The following TFG variants were observed in gnomAD, a reference collection of about 807,000 sequenced individuals.
The protein encoded by TFG is protein TFG.
In TFG, 22 loss-of-function variants were observed where a neutral mutation model predicts 51.4. The observed-to-expected ratio is 0.43, with a 90% CI of 0.31 to 0.61. The LOEUF is 0.61. Among genes scored for constraint, TFG ranks in the 20% least tolerant of loss-of-function variants. The pLI is 0.12. For missense variants in TFG, 419 were observed against 487.7 expected, an observed-to-expected ratio of 0.86 and a Z score of 1.33; for synonymous variants, 187 against 165.6, an observed-to-expected ratio of 1.13 and a Z score of -0.99.
intron 3 of TFG, among the ~76,000 whole-genome samples, chr3:100,723,010 G>A (rs934704398): frequency 2.0e-5 from 3 of 152,180 alleles, no homozygotes; most frequent in African/African-American, 7.2e-5. Context: ...AAAAGTCAAG[G>A]AAGCTTAACT....
intron 3 of TFG, 109 bp from the exon 4 acceptor site, chr3:100,728,603 C>G (rs2095082486): frequency 1.2e-5 from 10 of 868,062 alleles, no homozygotes; most frequent in Non-Finnish European, 1.3e-5. Context: ...ACATTGATAT[C>G]TTGTTTTTGT....
Position 100,748,304 on chromosome 3 carries a change from G to T in TFG, c.976G>T (p.Ala326Ser), listed in dbSNP as rs776620173. 139 of 1,613,882 alleles carry T rather than the reference G, an allele frequency of 8.6e-5. 2 individuals are homozygous for T. The South Asian group carries it at 1.4e-3, about 16-fold the overall frequency. Residue 326 changes from alanine to serine, a missense_variant, in exon 8 of 8, where the codon GCA (alanine) becomes TCA (serine). Transcript: ENST00000240851. The part of the protein sequence containing the change: ...PQQYQASNYP[A>S]QTYTAQTSQP... ...GCAGTACCAGGCGAGCAATTATCCT[G>T]CACAAACTTACACTGCCCAAACTTC...
intron 1 of TFG, among the ~76,000 whole-genome samples, chr3:100,711,446 A>T (rs1012493139): frequency 1.3e-5 from 2 of 152,200 alleles, no homozygotes; most frequent in African/African-American, 4.8e-5. Context: ...CCCGTACCCC[A>T]GTCAGAAGGA....
chr3:100,721,977 C>G (rs1263944389), intron 3 of TFG, among the ~76,000 whole-genome samples: 1 of 152,152 alleles, frequency 6.6e-6, no homozygotes, highest in East Asian at 1.9e-4. Flanking sequence ...ACGGTAAAAC[C>G]CTATCTCTAC....
At chr3:100,747,628 A>C (rs960879678) in intron 7 of TFG, among the ~76,000 whole-genome samples, 7 of 152,230 alleles carry the variant, frequency 4.6e-5, no homozygotes, top group African/African-American at 1.7e-4. Flanking sequence ...AAGGCAAAAA[A>C]CATCAGATAC....
intron 4 of TFG, among the ~76,000 whole-genome samples, chr3:100,732,184 C>CA (rs3841652): frequency 0.03 from 4,525 of 151,600 alleles, 182 homozygotes; most frequent in African/African-American, 0.092. Flanking sequence ...TATTGGGCTC[C>CA]AAAAAAACCA....
chr3:100,745,855 T>G (rs1050102605), intron 7 of TFG, among the ~76,000 whole-genome samples: 2 of 152,206 alleles, frequency 1.3e-5, no homozygotes, highest in African/African-American at 4.8e-5. Flanking sequence ...CTACTGCTAC[T>G]TGGGCACTAG....
rs1342059863 is a variant in TFG, at chr3:100,748,814, G to A, written c.*283G>A. On this transcript the variant is annotated 3_prime_UTR_variant, in exon 8 of 8. Transcript: ENST00000240851. ...CTTGACTTTCTAGCTTCCCTTGTCC[G>A]GAGGATATTAAAATGCTAGGGTGAG... 5 of 339,132 alleles carry A rather than the reference G, an allele frequency of 1.5e-5. No homozygotes were observed. The highest frequency in any genetic ancestry group is 2.7e-5 in the Non-Finnish European group (5 of 186,024). 21.0% of individuals were successfully genotyped at this position (339,132 alleles called of 1,614,324 possible).
Position 100,729,971 on chromosome 3 carries a change from C to T in TFG, c.415+1113C>T, listed in dbSNP as rs116331452. Among the ~76,000 whole-genome samples, 519 of 152,178 alleles carry T rather than the reference C, an allele frequency of 3.4e-3. 4 individuals carry two copies. The highest frequency in any genetic ancestry group is 5.0e-3 in the Non-Finnish European group (341 of 67,970). On this transcript the variant is annotated intron_variant, in intron 4 of 7. Transcript: ENST00000240851. ...GATTTGCTGAATACTATAATGAGAT[C>T]CTCTTGGTCACTTTATGATGAAACC...
In TFG at chr3:100,748,959, A is replaced by C. The variant is rs2095165132; in HGVS notation, c.*428A>C. Reference sequence around the variant, plus strand: ...GATGATAGGTTAATAAAGATGATTGAATCCATTAGTGGTCTTGAAATTTTA... The same window carrying C: ...GATGATAGGTTAATAAAGATGATTGCATCCATTAGTGGTCTTGAAATTTTA... On this transcript the variant is annotated 3_prime_UTR_variant, in exon 8 of 8. Coordinates refer to ENST00000240851, the MANE Select transcript of TFG (RefSeq NM_006070.6). 1 of 194,346 alleles carries C rather than the reference A, an allele frequency of 5.1e-6. No individual in the cohort carries two copies. Among genetic ancestry groups the C allele is most frequent in the African/African-American group, 2.3e-5 (1 of 43,158 alleles). The allele number at this position is 194,346 out of a possible 1,614,324, so 12.0% of individuals were successfully genotyped here. A position where few individuals can be genotyped will look rare whatever the true frequency, so the allele number is the denominator to read the frequency against.
chr3:100,736,603 G>A lies in TFG; in HGVS notation c.608G>A (p.Arg203His), dbSNP rs879472420. 6 of 1,613,694 alleles carry A rather than the reference G, an allele frequency of 3.7e-6. No homozygotes were observed. The highest frequency in any genetic ancestry group is 1.3e-5 in the African/African-American group (1 of 74,840). Reference sequence around the variant, plus strand: ...CCACCCAGTGCTCCTGCAGAAGATCGTTCAGGAACACCCGACAGCATTGCT... The same window carrying A: ...CCACCCAGTGCTCCTGCAGAAGATCATTCAGGAACACCCGACAGCATTGCT... Reference protein sequence around the residue: ...SGPPSAPAEDRSGTPDSIASS... With the variant: ...SGPPSAPAEDHSGTPDSIASS... Residue 203 changes from arginine to histidine, a missense_variant, in exon 6 of 8, where the codon CGT becomes CAT. Arg to His is a conservative substitution (Grantham distance 29). Coordinates refer to ENST00000240851, the MANE Select transcript of TFG (RefSeq NM_006070.6).
At chr3:100,744,957 G>T in intron 7 of TFG, 26 bp downstream of exon 7, 1 of 1,528,116 alleles carries the variant, frequency 6.5e-7, no homozygotes, top group Non-Finnish European at 9.0e-7. Flanking sequence ...AAGGGAGTTG[G>T]CTCATGGTTT....
chr3:100,726,773 A>AT (rs201376425), intron 3 of TFG, among the ~76,000 whole-genome samples: 4,509 of 151,084 alleles, frequency 0.03, 183 homozygotes, highest in African/African-American at 0.092. Context: ...TTAGAAAAGT[A>AT]TTTTTTTTTG....
At chr3:100,741,441 A>G (rs1224744830) in intron 6 of TFG, among the ~76,000 whole-genome samples, 2 of 152,242 alleles carry the variant, frequency 1.3e-5, no homozygotes, top group African/African-American at 2.4e-5. Context: ...AAATGCTTAT[A>G]GAATAAGGAT....
chr3:100,710,715 GTTATA>G (rs1222231729), intron 1 of TFG, among the ~76,000 whole-genome samples: 1 of 152,166 alleles, frequency 6.6e-6, no homozygotes, highest in African/African-American at 2.4e-5. Flanking sequence ...CTGGTAGAGG[GTTATA>G]TTATACAAGT....
At chr3:100,742,184 A>G (rs1362687844) in intron 6 of TFG, among the ~76,000 whole-genome samples, 1 of 152,046 alleles carries the variant, frequency 6.6e-6, no homozygotes. Flanking sequence ...TTTGGACTTG[A>G]ATGAGGTGGG....
intron 3 of TFG, among the ~76,000 whole-genome samples, chr3:100,721,911 G>A (rs2095061786): frequency 6.6e-6 from 1 of 152,236 alleles, no homozygotes; most frequent in African/African-American, 2.4e-5. Flanking sequence ...AGCACTTTGG[G>A]AGGCCAAGGC....
chr3:100,745,580 G>C (rs925826948), intron 7 of TFG, among the ~76,000 whole-genome samples: 3 of 152,070 alleles, frequency 2.0e-5, no homozygotes, highest in Non-Finnish European at 2.9e-5. Flanking sequence ...ATGTAACTTT[G>C]GCTATAATTC....
In TFG at chr3:100,746,277, G is replaced by T. The variant is rs562726242; in HGVS notation, c.820+1346G>T. On this transcript the variant is annotated intron_variant, in intron 7 of 7. Coordinates refer to ENST00000240851, the MANE Select transcript of TFG (RefSeq NM_006070.6). The stretch of plus-strand genomic sequence containing the variant: ...ATCACCTGGGGGAGGCTATGTGTGG[G>T]GCCCCATTCCCAGAGATTTTGAATT... Among the ~76,000 whole-genome samples the T allele has an allele frequency of 5.9e-5, 9 of 152,170 alleles. No individual in the cohort carries two copies. In the South Asian group the frequency reaches 1.9e-3, roughly 32 times the overall value.
Sources: allele counts gnomAD v4.1 joint callset (sites outside exome capture counted in the v4.1 genomes callset), GRCh38; gene constraint gnomAD v4.1.1; transcripts MANE v1.5; gene names NCBI Gene and HGNC (gene_info 2026-07-23, HGNC 2026-07-21).